LIN28B: variants seen among roughly 807,000 people sequenced by gnomAD.
The protein encoded by LIN28B is protein lin-28 homolog B.
Under a neutral mutation model 21.9 loss-of-function variants are expected in LIN28B, and 5 were observed. That is an observed-to-expected ratio of 0.23 (90% CI 0.12 to 0.48). LIN28B has a LOEUF of 0.48. LIN28B is among the 20% of genes least tolerant of loss of function. The pLI, the probability that LIN28B is intolerant of heterozygous loss-of-function variation, is 0.98. For missense variants in LIN28B, 245 were observed against 310.5 expected (o/e 0.79, Z 1.58); for synonymous variants, 109 against 111.3 (o/e 0.98, Z 0.13).
chr6:105,008,505 G>A (rs140073380), intron 2 of LIN28B, among the ~76,000 whole-genome samples: 3,412 of 152,032 alleles, frequency 0.022, 152 homozygotes, highest in African/African-American at 0.079. Flanking sequence ...TTAGCTGGGC[G>A]TGGTGGCGGG....
intron 2 of LIN28B, among the ~76,000 whole-genome samples, chr6:105,023,136 G>T (rs1771170492): frequency 7.5e-6 from 1 of 133,602 alleles, no homozygotes; most frequent in African/African-American, 2.8e-5. Context: ...CAGCTATTTT[G>T]GTCTAATAGC....
chr6:104,938,914 G>T (rs1359567885), intron 2 of LIN28B, among the ~76,000 whole-genome samples: 1 of 152,138 alleles, frequency 6.6e-6, no homozygotes, highest in Non-Finnish European at 1.5e-5. Flanking sequence ...ACTCTTGAGT[G>T]CTGGGATACT....
intron 2 of LIN28B, among the ~76,000 whole-genome samples, chr6:105,002,605 G>T (rs577521629): frequency 9.8e-5 from 15 of 152,314 alleles, no homozygotes; most frequent in African/African-American, 3.6e-4. Flanking sequence ...TACCGTCTTG[G>T]ACAGAGCAAA....
chr6:105,072,376 C>G (rs1240206158), intron 3 of LIN28B, among the ~76,000 whole-genome samples: 1 of 152,054 alleles, frequency 6.6e-6, no homozygotes, highest in East Asian at 1.9e-4. Context: ...TTAGTAAGCT[C>G]TCAGTGAATT....
At chr6:105,040,547 A>G (rs1193431365) in intron 3 of LIN28B, among the ~76,000 whole-genome samples, 4 of 152,002 alleles carry the variant, frequency 2.6e-5, no homozygotes, top group African/African-American at 7.2e-5. Flanking sequence ...CTGATATTAT[A>G]AATACACACA....
chr6:104,937,896 G>A (rs1778028716), intron 2 of LIN28B, among the ~76,000 whole-genome samples: 1 of 151,674 alleles, frequency 6.6e-6, no homozygotes, highest in Non-Finnish European at 1.5e-5. Context: ...GTTCTCTTTG[G>A]GAATAATTAT....
At chr6:105,020,314 G>T (rs550858078) in intron 2 of LIN28B, among the ~76,000 whole-genome samples, 20 of 150,876 alleles carry the variant, frequency 1.3e-4, no homozygotes, top group African/African-American at 4.4e-4. Context: ...TAAATGGTTT[G>T]TTGGGAAGAG....
chr6:105,039,376 A>T (rs1771587094), intron 3 of LIN28B, among the ~76,000 whole-genome samples: 1 of 152,210 alleles, frequency 6.6e-6, no homozygotes, highest in Admixed American at 6.5e-5. Flanking sequence ...ATTATAGTAT[A>T]TTCTTAGGAT....
chr6:105,073,552 G>A (rs1259972726), intron 3 of LIN28B, among the ~76,000 whole-genome samples: 2 of 152,020 alleles, frequency 1.3e-5, no homozygotes, highest in Non-Finnish European at 2.9e-5. Flanking sequence ...TTCCCCTTCA[G>A]AAGCTTACAG....
intron 2 of LIN28B, among the ~76,000 whole-genome samples, chr6:105,024,290 C>T (rs1332131663): frequency 6.6e-6 from 1 of 151,758 alleles, no homozygotes; most frequent in Non-Finnish European, 1.5e-5. Flanking sequence ...CCGCGCTTAG[C>T]CCAGTGATAG....
intron 2 of LIN28B, among the ~76,000 whole-genome samples, chr6:104,982,448 C>G (rs556936049): frequency 6.6e-6 from 1 of 152,202 alleles, no homozygotes; most frequent in East Asian, 1.9e-4. Context: ...ATTGTAAATT[C>G]CTGAAAGAAA....
chr6:105,061,413 T>C (rs1355799117), intron 3 of LIN28B, among the ~76,000 whole-genome samples: 1 of 152,102 alleles, frequency 6.6e-6, no homozygotes, highest in East Asian at 1.9e-4. Context: ...GATATATATA[T>C]TGTATCATTA....
At chr6:105,046,009 C>T (rs528184284) in intron 3 of LIN28B, among the ~76,000 whole-genome samples, 41 of 151,918 alleles carry the variant, frequency 2.7e-4, no homozygotes, top group Non-Finnish European at 4.3e-4. Flanking sequence ...AATGATTTTA[C>T]AATTTTTTAA....
chr6:104,959,206 C>T (rs1425799332), intron 2 of LIN28B, among the ~76,000 whole-genome samples: 13 of 151,678 alleles, frequency 8.6e-5, no homozygotes, highest in Admixed American at 8.5e-4. Flanking sequence ...CGGTTGTTTC[C>T]TCAAAAAAAG....
At chr6:105,012,805 G>A (rs1770950966) in intron 2 of LIN28B, among the ~76,000 whole-genome samples, 2 of 152,180 alleles carry the variant, frequency 1.3e-5, no homozygotes, top group South Asian at 2.1e-4. Flanking sequence ...GTGTGAACAT[G>A]TGTTTTAATT....
intron 2 of LIN28B, among the ~76,000 whole-genome samples, chr6:104,944,140 G>C (rs1444196835): frequency 6.7e-6 from 1 of 149,158 alleles, no homozygotes; most frequent in African/African-American, 2.5e-5. Flanking sequence ...TTTTTTTTTT[G>C]CTTTTCACCT....
At chr6:105,051,233 G>A (rs973218311) in intron 3 of LIN28B, among the ~76,000 whole-genome samples, 3 of 151,530 alleles carry the variant, frequency 2.0e-5, no homozygotes, top group Admixed American at 6.6e-5. Context: ...GAGGTCAGGA[G>A]ATTGAGACCA....
upstream of LIN28B, among the ~76,000 whole-genome samples, chr6:104,955,786 C>G: frequency 6.6e-6 from 1 of 151,866 alleles, no homozygotes; most frequent in Non-Finnish European, 1.5e-5. Context: ...GTGGGGTAGG[C>G]AAGTCTGGTG....
rs897973093 is a variant in LIN28B, at chr6:105,081,043, A to C, written c.*2260A>C. 1.3e-5 allele frequency: 2 copies of C among 152,598 alleles called. No individual in the cohort carries two copies. The highest frequency in any genetic ancestry group is 4.8e-5 in the African/African-American group (2 of 41,428). 9.5% of individuals were successfully genotyped at this position (152,598 alleles called of 1,614,324 possible). ...CAGACTAAACTAAGAGCACATACCA[A>C]ACCTATCTTATGGTTGAAAGTTGGG... On this transcript the variant is annotated 3_prime_UTR_variant, in exon 4 of 4. Transcript: ENST00000345080.
Sources: gnomAD v4.1 joint callset for allele counts (sites outside exome capture counted in the v4.1 genomes callset) on GRCh38, gnomAD v4.1.1 for gene constraint, MANE v1.5 for transcripts, NCBI Gene and HGNC (gene_info 2026-07-23, HGNC 2026-07-21) for gene names.